Variants in DIP2C observed in about 807,000 individuals in gnomAD.
DIP2C encodes the protein disco-interacting protein 2 homolog C.
A neutral mutation model predicts 192.4 loss-of-function variants in DIP2C; 33 were observed. The ratio of observed to expected loss-of-function variants is 0.17; its 90% CI spans 0.13 to 0.23. DIP2C has a LOEUF of 0.23. Among genes scored for constraint, DIP2C ranks in the 10% least tolerant of loss-of-function variants. The pLI is 1.00. For missense variants in DIP2C, 1,537 were observed against 2,110.1 expected (o/e 0.73, Z 5.32); for synonymous variants, 979 against 864.1 (o/e 1.13, Z -2.33).
intron 1 of DIP2C, among the ~76,000 whole-genome samples, chr10:595,036 C>T (rs564641757): frequency 6.6e-6 from 1 of 152,160 alleles, no homozygotes; most frequent in Non-Finnish European, 1.5e-5. Context: ...GCAGTGTGTC[C>T]GATGCCCGTT....
At chr10:450,617 AAG>A (rs1170763802) in intron 3 of DIP2C, among the ~76,000 whole-genome samples, 1 of 152,208 alleles carries the variant, frequency 6.6e-6, no homozygotes, top group African/African-American at 2.4e-5. Context: ...TAGCAGCAGC[AAG>A]AGAGACAGAG....
intron 8 of DIP2C, among the ~76,000 whole-genome samples, chr10:410,053 TC>T (rs952308153): frequency 6.6e-6 from 1 of 152,214 alleles, no homozygotes; most frequent in Non-Finnish European, 1.5e-5. Flanking sequence ...CTCTTTTAAA[TC>T]CAAACACTAA....
intron 1 of DIP2C, among the ~76,000 whole-genome samples, chr10:518,621 C>T (rs550057129): frequency 4.6e-5 from 7 of 152,308 alleles, no homozygotes; most frequent in Non-Finnish European, 8.8e-5. Context: ...CAGGAAGGGG[C>T]CCACACCAGA....
intron 1 of DIP2C, among the ~76,000 whole-genome samples, chr10:545,175 T>TTTTTTTTTTTC (rs2130919300): frequency 7.0e-6 from 1 of 142,570 alleles, no homozygotes; most frequent in African/African-American, 2.7e-5. Context: ...CCTTTTTTTT[T>TTTTTTTTTTTC]TTTTTTTTTT....
intron 1 of DIP2C, among the ~76,000 whole-genome samples, chr10:488,086 G>A (rs752509198): frequency 1.3e-5 from 2 of 152,138 alleles, no homozygotes; most frequent in Non-Finnish European, 2.9e-5. Flanking sequence ...GATTTAAATC[G>A]AGCCCCCAGT....
chr10:286,422 T>C, intron 33 of DIP2C, 75 bp from the exon 34 acceptor site: 1 of 1,324,558 alleles, frequency 7.5e-7, no homozygotes, highest in African/African-American at 1.5e-5. Flanking sequence ...AACCTCAATC[T>C]CATCTTTATG....
intron 1 of DIP2C, among the ~76,000 whole-genome samples, chr10:580,606 TG>T (rs1448544705): frequency 6.6e-6 from 1 of 152,218 alleles, no homozygotes; most frequent in Non-Finnish European, 1.5e-5. Flanking sequence ...TGTAAATACA[TG>T]TACAATGGCA....
chr10:318,961 A>G (rs1001093094), intron 31 of DIP2C, among the ~76,000 whole-genome samples: 1 of 150,624 alleles, frequency 6.6e-6, no homozygotes, highest in Non-Finnish European at 1.5e-5. Context: ...CACCCAGACT[A>G]GAGTACAGTG....
intron 1 of DIP2C, among the ~76,000 whole-genome samples, chr10:513,377 C>G (rs558380306): frequency 6.6e-6 from 1 of 152,186 alleles, no homozygotes; most frequent in Non-Finnish European, 1.5e-5. Context: ...TTGTTTGTCG[C>G]GTGTTTCCCT....
intron 6 of DIP2C, 55 bp from the exon 7 acceptor site, chr10:415,943 A>ACCCACAGT (rs371035835): frequency 7.8e-5 from 125 of 1,609,406 alleles, no homozygotes; most frequent in Admixed American, 1.8e-4. Context: ...TTCAATGAGC[A>ACCCACAGT]CCCACAGTCC....
At position 429,539 on chromosome 10, in the gene DIP2C, A is replaced by G. The variant is rs147508428; in HGVS notation, c.395-6506T>C. 4.2e-3 allele frequency among the ~76,000 whole-genome samples: 117 copies of G among 27,636 alleles called. 2 individuals carry two copies. Among genetic ancestry groups the G allele is most frequent in the East Asian group, 0.018 (17 of 926 alleles). The allele number at this position is 27,636 out of a possible 152,430, so 18.1% of individuals were successfully genotyped here. ...CCCGGACCCTGGCTGCCTCCCCCACAGACCCTGGCTGCCTCCCCCTGGACC... is the reference window on the plus strand; with the variant it reads ...CCCGGACCCTGGCTGCCTCCCCCACGGACCCTGGCTGCCTCCCCCTGGACC... On this transcript the variant is annotated intron_variant, in intron 4 of 36. Transcript: ENST00000280886.
At chr10:307,286 C>G (rs1352319262) in intron 32 of DIP2C, among the ~76,000 whole-genome samples, 1 of 152,226 alleles carries the variant, frequency 6.6e-6, no homozygotes, top group African/African-American at 2.4e-5. Flanking sequence ...TGTAATACCT[C>G]GTCCCAGAGG....
rs376347789 is a variant in DIP2C, at chr10:556,429, G to T, written c.86-69899C>A. On this transcript the variant is annotated intron_variant, in intron 1 of 36. Coordinates refer to ENST00000280886, the MANE Select transcript of DIP2C (RefSeq NM_014974.3). ...ATCTCTGACACTCGGACCTCAGAGTGTCATCACGCAGCCACCCACACCTTC... is the reference window on the plus strand; with the variant it reads ...ATCTCTGACACTCGGACCTCAGAGTTTCATCACGCAGCCACCCACACCTTC... Among the ~76,000 whole-genome samples the T allele has an allele frequency of 3.3e-4, 45 of 136,968 alleles. 2 individuals carry two copies. The East Asian group carries it at 4.4e-3, about 13-fold the overall frequency. 89.9% of individuals were successfully genotyped at this position (136,968 alleles called of 152,430 possible).
intron 1 of DIP2C, among the ~76,000 whole-genome samples, chr10:657,960 C>CCTGGACCTGCCG (rs1564314841): frequency 1.2e-3 from 161 of 138,368 alleles, no homozygotes; most frequent in African/African-American, 3.5e-3. Context: ...TGGACCTGTC[C>CCTGGACCTGCCG]CTGGACCTGC....
At chr10:325,094 T>G in intron 31 of DIP2C, 1 of 382,992 alleles carries the variant, frequency 2.6e-6, no homozygotes, top group Non-Finnish European at 5.2e-6. Flanking sequence ...TGAAACCCCA[T>G]CTCTACTAAA....
chr10:308,719 C>G (rs978077487), intron 32 of DIP2C, among the ~76,000 whole-genome samples: 15 of 152,036 alleles, frequency 9.9e-5, no homozygotes, highest in Admixed American at 6.5e-5. Flanking sequence ...CTCCTGAGGG[C>G]TCCTACGTGG....
chr10:574,114 G>A (rs1452501884), intron 1 of DIP2C, among the ~76,000 whole-genome samples: 1 of 152,212 alleles, frequency 6.6e-6, no homozygotes, highest in Non-Finnish European at 1.5e-5. Context: ...GCCACGTTCT[G>A]ATGCATTTTA....
In DIP2C at chr10:505,010, G is replaced by A. The variant is rs534209661; in HGVS notation, c.86-18480C>T. Among the ~76,000 whole-genome samples, 244 of 152,210 alleles carry A rather than the reference G, an allele frequency of 1.6e-3. 2 individuals are homozygous for A. The highest frequency in any genetic ancestry group is 2.0e-3 in the Non-Finnish European group (133 of 68,024). ...CATTCATTCATTCAGCAAAACCGCC[G>A]TGAACCCGCGGGATCCCCACCCTGC... On this transcript the variant is annotated intron_variant, in intron 1 of 36. Coordinates refer to ENST00000280886, the MANE Select transcript of DIP2C (RefSeq NM_014974.3).
chr10:612,423 G>A (rs565181394), intron 1 of DIP2C, among the ~76,000 whole-genome samples: 22 of 152,310 alleles, frequency 1.4e-4, no homozygotes, highest in South Asian at 4.1e-4. Context: ...AAGAAGATAT[G>A]AAGATGGAAA....
Sources: allele counts gnomAD v4.1 joint callset (sites outside exome capture counted in the v4.1 genomes callset), GRCh38; gene constraint gnomAD v4.1.1; transcripts MANE v1.5; gene names NCBI Gene and HGNC (gene_info 2026-07-23, HGNC 2026-07-21).